GOLM2: variants seen among roughly 807,000 people sequenced by gnomAD.
GOLM2 encodes the protein golgi membrane protein 2.
A neutral mutation model predicts 55.9 loss-of-function variants in GOLM2; 26 were observed. The observed-to-expected ratio is 0.47, with a 90% CI of 0.34 to 0.65. The LOEUF is 0.65. GOLM2 is among the 30% of genes least tolerant of loss of function. The probability of loss-of-function intolerance (pLI) is 0.01; values close to 1 mark genes in which losing one functional copy is unlikely to be tolerated. For synonymous variants in GOLM2, 165 were observed against 194.6 expected, an observed-to-expected ratio of 0.85 and a Z score of 1.27; for missense variants, 486 against 531.8, an observed-to-expected ratio of 0.91 and a Z score of 0.85.
chr15:44,334,387 A>T (rs1330117733), intron 4 of GOLM2, among the ~76,000 whole-genome samples: 5 of 152,150 alleles, frequency 3.3e-5, no homozygotes, highest in Non-Finnish European at 7.4e-5. Context: ...GTATTCAGGG[A>T]TTTATCTTTT....
At chr15:44,391,172 G>C (rs562094930) in intron 8 of GOLM2, among the ~76,000 whole-genome samples, 2 of 152,238 alleles carry the variant, frequency 1.3e-5, no homozygotes, top group South Asian at 4.1e-4. Context: ...CAGGGTCACT[G>C]TATGAAATCA....
intron 9 of GOLM2, 125 bp downstream of exon 9, chr15:44,403,179 T>C (rs2079577024): frequency 8.8e-7 from 1 of 1,134,692 alleles, no homozygotes; most frequent in East Asian, 2.6e-5. Context: ...GTTTTTTCTT[T>C]GTGACGGAAT....
At chr15:44,365,928 A>G (rs906642523) in intron 6 of GOLM2, among the ~76,000 whole-genome samples, 1 of 152,190 alleles carries the variant, frequency 6.6e-6, no homozygotes, top group Non-Finnish European at 1.5e-5. Flanking sequence ...GAGGCTATCC[A>G]TGGCCATGTA....
intron 6 of GOLM2, among the ~76,000 whole-genome samples, chr15:44,357,555 A>G (rs2079206284): frequency 6.6e-6 from 1 of 152,172 alleles, no homozygotes; most frequent in African/African-American, 2.4e-5. Context: ...AGCTAGTGTA[A>G]TAAGGCAAAA....
chr15:44,363,877 G>T (rs2079262587), intron 6 of GOLM2, among the ~76,000 whole-genome samples: 1 of 152,060 alleles, frequency 6.6e-6, no homozygotes, highest in African/African-American at 2.4e-5. Context: ...AAAATGATGA[G>T]TTCATGTCCT....
intron 8 of GOLM2, among the ~76,000 whole-genome samples, chr15:44,384,199 A>G (rs1431320334): frequency 6.6e-6 from 1 of 152,204 alleles, no homozygotes; most frequent in African/African-American, 2.4e-5. Context: ...CTCTAGTTCC[A>G]GAATATTTTC....
chr15:44,302,603 G>C (rs1318262575), intron 1 of GOLM2, among the ~76,000 whole-genome samples: 1 of 151,810 alleles, frequency 6.6e-6, no homozygotes, highest in Non-Finnish European at 1.5e-5. Context: ...CGAGCTTCCT[G>C]CCTCAGCCTC....
chr15:44,325,584 C>A (rs938297015), intron 2 of GOLM2, among the ~76,000 whole-genome samples: 1 of 152,136 alleles, frequency 6.6e-6, no homozygotes, highest in Non-Finnish European at 1.5e-5. Flanking sequence ...AGAATGAGTC[C>A]GAAAGATCAC....
intron 1 of GOLM2, among the ~76,000 whole-genome samples, chr15:44,311,950 G>T (rs960791947): frequency 6.6e-6 from 1 of 151,986 alleles, no homozygotes; most frequent in Admixed American, 6.6e-5. Flanking sequence ...ATGCCAAGTC[G>T]TTAACATAGG....
At chr15:44,345,098 A>G (rs2079115056) in intron 6 of GOLM2, among the ~76,000 whole-genome samples, 1 of 150,768 alleles carries the variant, frequency 6.6e-6, no homozygotes, top group Non-Finnish European at 1.5e-5. Context: ...GGCGTGAGCC[A>G]CCGCGCCTGG....
At chr15:44,333,642 G>T (rs2079037012) in intron 4 of GOLM2, among the ~76,000 whole-genome samples, 1 of 152,078 alleles carries the variant, frequency 6.6e-6, no homozygotes, top group Non-Finnish European at 1.5e-5. Flanking sequence ...AAAAGGAAGG[G>T]GAAGAGAGGT....
intron 9 of GOLM2, among the ~76,000 whole-genome samples, chr15:44,412,266 C>T (rs992605788): frequency 6.6e-6 from 1 of 152,146 alleles, no homozygotes; most frequent in African/African-American, 2.4e-5. Flanking sequence ...TTGCTATTGG[C>T]AGGTAAATTG....
rs546929472 is a variant in GOLM2, at chr15:44,339,219, G to A, written c.802+902G>A. ...AATTCTTATGGGTTTCCAATTCATAGTGATTTCCCCTAAAATAAAGGTAAG... is the reference window on the plus strand; with the variant it reads ...AATTCTTATGGGTTTCCAATTCATAATGATTTCCCCTAAAATAAAGGTAAG... On this transcript the variant is annotated intron_variant, in intron 6 of 9. Transcript: ENST00000299957. Among the ~76,000 whole-genome samples, 61 of 152,148 alleles carry A rather than the reference G, an allele frequency of 4.0e-4. No individual in the cohort carries two copies. In the South Asian group the frequency reaches 0.011, roughly 27 times the overall value.
At chr15:44,351,359 G>A (rs902576459) in intron 6 of GOLM2, among the ~76,000 whole-genome samples, 1 of 151,882 alleles carries the variant, frequency 6.6e-6, no homozygotes, top group Non-Finnish European at 1.5e-5. Context: ...GGTGGATCAC[G>A]AGGTCAGGAG....
chr15:44,343,714 A>G (rs1208336292), intron 6 of GOLM2, among the ~76,000 whole-genome samples: 1 of 151,612 alleles, frequency 6.6e-6, no homozygotes, highest in Non-Finnish European at 1.5e-5. Flanking sequence ...AATTCCAGCT[A>G]CTTGGGAGGC....
intron 6 of GOLM2, among the ~76,000 whole-genome samples, chr15:44,363,803 A>T (rs1210168958): frequency 1.3e-5 from 2 of 151,778 alleles, no homozygotes; most frequent in African/African-American, 4.8e-5. Flanking sequence ...CAAATGTCCA[A>T]CAATGATAGA....
At chr15:44,350,018 A>G (rs1188633319) in intron 6 of GOLM2, among the ~76,000 whole-genome samples, 1 of 152,236 alleles carries the variant, frequency 6.6e-6, no homozygotes, top group Non-Finnish European at 1.5e-5. Context: ...GTTTATAGCT[A>G]TAAGCTCCTA....
At chr15:44,322,892 A>C in intron 1 of GOLM2, 73 bp from the exon 2 acceptor site, 1 of 1,031,742 alleles carries the variant, frequency 9.7e-7, no homozygotes, top group Non-Finnish European at 1.4e-6. Context: ...ATCAAGCTCA[A>C]AGTGAATATG....
Position 44,341,270 on chromosome 15 carries a change from C to T in GOLM2, c.802+2953C>T, listed in dbSNP as rs769583803. ...TAATTTTTTGTATTTCTAGCAGAGA[C>T]GGGGTTTCACCATGTTAGCCAGGAT... On this transcript the variant is annotated intron_variant, in intron 6 of 9. Coordinates refer to ENST00000299957, the MANE Select transcript of GOLM2 (RefSeq NM_138423.4). Among the ~76,000 whole-genome samples, 9 of 151,920 alleles carry T rather than the reference C, an allele frequency of 5.9e-5. No homozygotes were observed. In the East Asian group the frequency reaches 9.7e-4, roughly 16 times the overall value.
Sources: gnomAD v4.1 joint callset for allele counts (sites outside exome capture counted in the v4.1 genomes callset) on GRCh38, gnomAD v4.1.1 for gene constraint, MANE v1.5 for transcripts, NCBI Gene and HGNC (gene_info 2026-07-23, HGNC 2026-07-21) for gene names.